The following RASL11B variants were observed in gnomAD, a reference collection of about 807,000 sequenced individuals.
RASL11B encodes the protein ras-like protein family member 11B.
RASL11B carries 14 observed loss-of-function variants against 22.9 expected under a neutral mutation model. That is an observed-to-expected ratio of 0.61 (90% CI 0.40 to 0.96). The LOEUF (loss-of-function observed/expected upper bound fraction) is 0.96, where lower values mean the gene tolerates loss of function less well. Among genes scored for constraint, RASL11B ranks in the 40% least tolerant of loss-of-function variants. The pLI, the probability that RASL11B is intolerant of heterozygous loss-of-function variation, is 0.00. For synonymous variants in RASL11B, 143 were observed against 130.2 expected (o/e 1.10, Z -0.67); for missense variants, 261 against 322.0 (o/e 0.81, Z 1.45).
chr4:52,865,198 G>A, intron 3 of RASL11B, 137 bp from the exon 4 acceptor site: 1 of 625,972 alleles, frequency 1.6e-6, no homozygotes, highest in South Asian at 2.1e-5. Context: ...GAAAGCTGAA[G>A]TGTGTGGGAT....
intron 2 of RASL11B, 97 bp downstream of exon 2, chr4:52,863,421 C>T (rs766662907): frequency 9.7e-7 from 1 of 1,030,140 alleles, no homozygotes. Context: ...CAGTGACAGT[C>T]CGAGCCTGAG....
rs34547577 is a variant in RASL11B, at chr4:52,865,424, C to T, written c.366C>T (p.Asp122=). The change falls in exon 4 of 4, where the codon GAC becomes GAT. Residue 122 remains aspartate (D), a synonymous_variant. Coordinates refer to ENST00000248706, the MANE Select transcript of RASL11B (RefSeq NM_023940.3). The stretch of plus-strand genomic sequence containing the variant: ...TGGTGATCGTTTTCTCCATCACTGA[C>T]TACAAGAGCTATGAACTCATCAGCC... The part of the protein sequence containing the change: ...DAVVIVFSIT[D]YKSYELISQL... 2,646 of 1,614,152 alleles carry T rather than the reference C, an allele frequency of 1.6e-3. 45 individuals are homozygous for T. The African/African-American group carries it at 0.032, about 19-fold the overall frequency.
chr4:52,864,478 G>T lies in RASL11B; in HGVS notation c.200G>T (p.Gly67Val). The T allele has an allele frequency of 6.3e-7, 1 of 1,579,002 alleles. No individual in the cohort carries two copies. The highest frequency in any genetic ancestry group is 8.7e-7 in the Non-Finnish European group (1 of 1,148,512). The stretch of plus-strand genomic sequence containing the variant: ...TAATCTCTTTTATTTGCCTTCATAG[G>T]TAATCTCTATACTAGACAAGTTCAG... ...RFIGDYERNA[G>V]NLYTRQVQIE... The change falls in exon 3 of 4, where the codon GGT becomes GTT. Residue 67 changes from glycine to valine, a missense_variant and splice_region_variant. Coordinates refer to ENST00000248706, the MANE Select transcript of RASL11B (RefSeq NM_023940.3).
In RASL11B at chr4:52,866,040, A is replaced by G; in HGVS notation, c.*235A>G. 3 of 547,626 alleles carry G rather than the reference A, an allele frequency of 5.5e-6. No homozygotes were observed. The South Asian group carries it at 7.2e-5, about 13-fold the overall frequency. The allele number at this position is 547,626 out of a possible 1,614,324, so 33.9% of individuals were successfully genotyped here. A position where few individuals can be genotyped will look rare whatever the true frequency, so the allele number is the denominator to read the frequency against. On this transcript the variant is annotated 3_prime_UTR_variant, in exon 4 of 4. Coordinates refer to ENST00000248706, the MANE Select transcript of RASL11B (RefSeq NM_023940.3). The stretch of plus-strand genomic sequence containing the variant: ...GCCACTCTCTGAATATGTGAAATGT[A>G]CTCTGTGTCTTTTCCTTTAGAGTGG...
In RASL11B at chr4:52,866,563, T is replaced by C. The variant is rs921656909; in HGVS notation, c.*758T>C. On this transcript the variant is annotated 3_prime_UTR_variant, in exon 4 of 4. Coordinates refer to ENST00000248706, the MANE Select transcript of RASL11B (RefSeq NM_023940.3). ...CCCAGACTTTGACTGTATAGTTTTT[T>C]GTTTTTTTAACTGTTCCATCAGGAA... 2 of 152,622 alleles carry C rather than the reference T, an allele frequency of 1.3e-5. No homozygotes were observed. Among genetic ancestry groups the C allele is most frequent in the African/African-American group, 4.8e-5 (2 of 41,456 alleles). 9.5% of individuals were successfully genotyped at this position (152,622 alleles called of 1,614,324 possible). A position where few individuals can be genotyped will look rare whatever the true frequency, so the allele number is the denominator to read the frequency against.
At position 52,866,080 on chromosome 4, in the gene RASL11B, C is replaced by G. The variant is rs750077913; in HGVS notation, c.*275C>G. The G allele has an allele frequency of 6.6e-5, 30 of 451,506 alleles. No homozygotes were observed. The highest frequency in any genetic ancestry group is 1.0e-4 in the Non-Finnish European group (26 of 252,132). The allele number at this position is 451,506 out of a possible 1,614,324, so 28.0% of individuals were successfully genotyped here. A position where few individuals can be genotyped will look rare whatever the true frequency, so the allele number is the denominator to read the frequency against. On this transcript the variant is annotated 3_prime_UTR_variant, in exon 4 of 4. Transcript: ENST00000248706. ...CTTTAGAGTGGGGAGGGGGCATAAT[C>G]GTTTCGGTTTCTGCATTCAACTACC...
chr4:52,863,399 G>A (rs1718199090), intron 2 of RASL11B, 75 bp downstream of exon 2: 6 of 1,282,992 alleles, frequency 4.7e-6, no homozygotes, highest in Non-Finnish European at 6.7e-6. Flanking sequence ...GCGCTTCCCA[G>A]GGAGGTTCTT....
chr4:52,864,611 C>A, intron 3 of RASL11B, 57 bp downstream of exon 3: 1 of 1,137,236 alleles, frequency 8.8e-7, no homozygotes, highest in South Asian at 1.3e-5. Flanking sequence ...TGGAATCACT[C>A]ACTTCTTCTC....
chr4:52,863,159 G>A, intron 1 of RASL11B, 109 bp from the exon 2 acceptor site: 1 of 893,218 alleles, frequency 1.1e-6, no homozygotes, highest in Admixed American at 2.0e-5. Flanking sequence ...TTCACTTGGT[G>A]GCCATCTATG....
chr4:52,862,415 C>A lies in RASL11B; in HGVS notation c.-93C>A. 4 of 1,301,748 alleles carry A rather than the reference C, an allele frequency of 3.1e-6. No homozygotes were observed. Among genetic ancestry groups the A allele is most frequent in the Non-Finnish European group, 3.1e-6 (3 of 957,746 alleles). The allele number at this position is 1,301,748 out of a possible 1,614,324, so 80.6% of individuals were successfully genotyped here. A position where few individuals can be genotyped will look rare whatever the true frequency, so the allele number is the denominator to read the frequency against. On this transcript the variant is annotated 5_prime_UTR_variant, in exon 1 of 4. Coordinates refer to ENST00000248706, the MANE Select transcript of RASL11B (RefSeq NM_023940.3). ...ATTGTTGTTATTTCTTACCGCGGAG[C>A]CCCGCAGTCGGGTCCTCCCGCCCGC...
rs1718171290 is a variant in RASL11B at position 52,862,357 on chromosome 4, T to TGCGGAACCTCGGCGCC, written c.-151_-150insGCGGAACCTCGGCGCC. The TGCGGAACCTCGGCGCC allele has an allele frequency of 1.9e-6, 1 of 540,034 alleles. No homozygotes were observed. Among genetic ancestry groups the TGCGGAACCTCGGCGCC allele is most frequent in the Non-Finnish European group, 2.8e-6 (1 of 353,156 alleles). The allele number at this position is 540,034 out of a possible 1,614,324, so 33.5% of individuals were successfully genotyped here. ...CCTGAGCCCTGCGGAACCTCGGCGC[T>TGCGGAACCTCGGCGCC]CGGCCCCACCCCGCCCGTACCTGCA... On this transcript the variant is annotated 5_prime_UTR_variant, in exon 1 of 4. Transcript: ENST00000248706.
chr4:52,862,396 G>T lies in RASL11B; in HGVS notation c.-112G>T. Reference sequence around the variant, plus strand: ...CCCGTACCTGCACTTATTTATTGTTGTTATTTCTTACCGCGGAGCCCCGCA... The same window carrying T: ...CCCGTACCTGCACTTATTTATTGTTTTTATTTCTTACCGCGGAGCCCCGCA... On this transcript the variant is annotated 5_prime_UTR_variant, in exon 1 of 4. Coordinates refer to ENST00000248706, the MANE Select transcript of RASL11B (RefSeq NM_023940.3). 35 of 736,020 alleles carry T rather than the reference G, an allele frequency of 4.8e-5. No individual in the cohort carries two copies. Among genetic ancestry groups the T allele is most frequent in the Non-Finnish European group, 6.8e-5 (33 of 487,728 alleles). The allele number at this position is 736,020 out of a possible 1,614,324, so 45.6% of individuals were successfully genotyped here.
At position 52,862,355 on chromosome 4, in the gene RASL11B, G is replaced by T; in HGVS notation, c.-153G>T. On this transcript the variant is annotated 5_prime_UTR_variant, in exon 1 of 4. Transcript: ENST00000248706. ...AGCCTGAGCCCTGCGGAACCTCGGC[G>T]CTCGGCCCCACCCCGCCCGTACCTG... 1.4e-6 allele frequency: 1 copy of T among 719,048 alleles called. No homozygotes were observed. The highest frequency in any genetic ancestry group is 2.2e-5 in the South Asian group (1 of 45,822). The allele number at this position is 719,048 out of a possible 1,614,324, so 44.5% of individuals were successfully genotyped here. A position where few individuals can be genotyped will look rare whatever the true frequency, so the allele number is the denominator to read the frequency against.
Position 52,862,517 on chromosome 4 carries a change from A to G in RASL11B, c.10A>G (p.Ile4Val). The change falls in exon 1 of 4, where the codon ATT becomes GTT. Residue 4 changes from isoleucine to valine, a missense_variant. Ile to Val is a conservative substitution (Grantham distance 29). Transcript: ENST00000248706. MRL[I>V]QNMCTIAEYP... ...CGCCGCAGCCGAGGCGATGCGCCTC[A>G]TTCAGAACATGTGCACCATCGCCGA... The G allele has an allele frequency of 2.5e-6, 4 of 1,605,082 alleles. No homozygotes were observed. The highest frequency in any genetic ancestry group is 2.5e-6 in the Non-Finnish European group (3 of 1,176,830).
chr4:52,865,509 G>C lies in RASL11B; in HGVS notation c.451G>C (p.Ala151Pro). The stretch of plus-strand genomic sequence containing the variant: ...CACCCGGCTGCCTGTGGTGGTCGTG[G>C]CCAACAAAGCTGACCTGTTGCACAT... The part of the protein sequence containing the change: ...LGTRLPVVVV[A>P]NKADLLHIKQ... Residue 151 changes from alanine to proline, a missense_variant, in exon 4 of 4, where the codon GCC (alanine) becomes CCC (proline). By Grantham distance (27) the Ala-to-Pro change is conservative (BLOSUM62 -1). Coordinates refer to ENST00000248706, the MANE Select transcript of RASL11B (RefSeq NM_023940.3). The C allele has an allele frequency of 6.2e-7, 1 of 1,614,214 alleles. No homozygotes were observed.
In RASL11B at chr4:52,862,617, C is replaced by T. The variant is rs1718180983; in HGVS notation, c.110C>T (p.Ala37Val). The T allele has an allele frequency of 6.3e-7, 1 of 1,589,494 alleles. No homozygotes were observed. The highest frequency in any genetic ancestry group is 1.7e-5 in the Admixed American group (1 of 58,268). The part of the protein sequence containing the change: ...GAAGRRLVKI[A>V]VVGASGVGKT... The stretch of plus-strand genomic sequence containing the variant: ...GCCGGCCGCCGCCTGGTCAAGATCG[C>T]CGTGGTGGGCGCCAGCGGCGTGGGC... The change falls in exon 1 of 4, where the codon GCC becomes GTC. Residue 37 changes from alanine (A) to valine (V), a missense_variant. Ala to Val is a moderately conservative substitution (Grantham distance 64). Transcript: ENST00000248706.
rs150594573 is a variant in RASL11B, at chr4:52,865,464, G to C, written c.406G>C (p.Val136Leu). 6.2e-7 allele frequency: 1 copy of C among 1,614,196 alleles called. No individual in the cohort carries two copies. The highest frequency in any genetic ancestry group is 2.2e-5 in the East Asian group (1 of 44,878). ...YELISQLHQH[V>L]QQLHLGTRLP... ...ACTCATCAGCCAGCTCCACCAGCAC[G>C]TGCAGCAGCTACACCTGGGCACCCG... Residue 136 changes from valine to leucine, a missense_variant, in exon 4 of 4, where the codon GTG (valine) becomes CTG (leucine). Coordinates refer to ENST00000248706, the MANE Select transcript of RASL11B (RefSeq NM_023940.3).
Position 52,862,391 on chromosome 4 carries a change from T to G in RASL11B, c.-117T>G. ...CCCCGCCCGTACCTGCACTTATTTA[T>G]TGTTGTTATTTCTTACCGCGGAGCC... On this transcript the variant is annotated 5_prime_UTR_variant, in exon 1 of 4. Transcript: ENST00000248706. The G allele has an allele frequency of 1.1e-6, 1 of 942,744 alleles. No individual in the cohort carries two copies. The highest frequency in any genetic ancestry group is 1.5e-6 in the Non-Finnish European group (1 of 658,816). 58.4% of individuals were successfully genotyped at this position (942,744 alleles called of 1,614,324 possible).
At chr4:52,864,628 C>T in intron 3 of RASL11B, 74 bp downstream of exon 3, 1 of 986,512 alleles carries the variant, frequency 1.0e-6, no homozygotes, top group Non-Finnish European at 1.6e-6. Flanking sequence ...TCTCAAAGTT[C>T]CTCATGCTGC....
Sources: allele counts gnomAD v4.1 joint callset, GRCh38; gene constraint gnomAD v4.1.1; transcripts MANE v1.5; gene names NCBI Gene and HGNC (gene_info 2026-07-23, HGNC 2026-07-21).